The following B4GALNT2 variants were observed in gnomAD, a reference collection of about 807,000 sequenced individuals.
B4GALNT2 encodes the protein beta-1,4-N-acetyl-galactosaminyltransferase 2 (SID blood group).
Under a neutral mutation model 51.1 loss-of-function variants are expected in B4GALNT2, and 42 were observed. The observed-to-expected ratio is 0.82, with a 90% CI of 0.64 to 1.06. The LOEUF is 1.06. Among genes scored for constraint, B4GALNT2 ranks in the 50% least tolerant of loss-of-function variants. B4GALNT2 has a pLI of 0.00. For synonymous variants in B4GALNT2, 253 were observed against 251.7 expected (o/e 1.01, Z -0.05); for missense variants, 602 against 633.6 (o/e 0.95, Z 0.54).
Position 49,171,777 on chromosome 17 carries a change from T to C in B4GALNT2, c.*2049T>C. On this transcript the variant is annotated 3_prime_UTR_variant, in exon 11 of 11. Coordinates refer to ENST00000393354, the MANE Select transcript of B4GALNT2 (RefSeq NM_001159387.2). ...TCCATAGGAATCGTTGTGCAGCACC[T>C]CTACCTGTTCTGCAATGCAATCTTC... 2.4e-6 allele frequency: 1 copy of C among 421,286 alleles called. No individual in the cohort carries two copies. 26.1% of individuals were successfully genotyped at this position (421,286 alleles called of 1,614,324 possible).
Position 49,156,564 on chromosome 17 carries a change from A to G in B4GALNT2, c.461-2A>G, listed in dbSNP as rs775280574. On this transcript the variant is annotated splice_acceptor_variant, in intron 4 of 10. Transcript: ENST00000393354. LOFTEE classifies it high-confidence loss of function. Reference sequence around the variant, plus strand: ...TTCTTTCCTTTTCCCTGTGTCCTCCAGGCCTCCAGTTTGAAGGACCCGATG... The same window carrying G: ...TTCTTTCCTTTTCCCTGTGTCCTCCGGGCCTCCAGTTTGAAGGACCCGATG... The G allele has an allele frequency of 6.2e-7, 1 of 1,613,794 alleles. No homozygotes were observed. The highest frequency in any genetic ancestry group is 1.7e-5 in the Admixed American group (1 of 59,932).
At chr17:49,133,921 CA>C (rs1040554631) in intron 1 of B4GALNT2, among the ~76,000 whole-genome samples, 22 of 150,980 alleles carry the variant, frequency 1.5e-4, no homozygotes, top group African/African-American at 5.4e-4. Flanking sequence ...CAAAAACAAA[CA>C]AACAAACAAA....
the B4GALNT2 span, among the ~76,000 whole-genome samples, chr17:49,121,679 G>A: frequency 1.3e-5 from 2 of 152,178 alleles, no homozygotes; most frequent in Non-Finnish European, 2.9e-5. Context: ...CCACAGCCAG[G>A]GAGAAGAGGA....
rs776109251 is a variant in B4GALNT2 at position 49,174,866 on chromosome 17, T to G, written c.*5138T>G. 1.3e-5 allele frequency: 2 copies of G among 152,128 alleles called. No homozygotes were observed. Among genetic ancestry groups the G allele is most frequent in the African/African-American group, 2.4e-5 (1 of 41,422 alleles). 9.4% of individuals were successfully genotyped at this position (152,128 alleles called of 1,614,324 possible). ...GTGGTTCCTTCAAATCTTGCAAATT[T>G]TTTCCTAGTCCCATACCAGGGACAT... On this transcript the variant is annotated 3_prime_UTR_variant, in exon 11 of 11. Coordinates refer to ENST00000393354, the MANE Select transcript of B4GALNT2 (RefSeq NM_001159387.2).
chr17:49,147,564 T>C (rs2042707108), intron 3 of B4GALNT2, among the ~76,000 whole-genome samples: 2 of 151,706 alleles, frequency 1.3e-5, no homozygotes, highest in Non-Finnish European at 2.9e-5. Flanking sequence ...TTTGTAGATA[T>C]GGGGTTTTGC....
intron 3 of B4GALNT2, among the ~76,000 whole-genome samples, chr17:49,150,213 C>T (rs2042737059): frequency 7.3e-6 from 1 of 137,104 alleles, no homozygotes; most frequent in African/African-American, 2.8e-5. Flanking sequence ...GGTCAGCCCC[C>T]CGCCCGGCCA....
chr17:49,167,902 G>A (rs188541973), intron 9 of B4GALNT2, among the ~76,000 whole-genome samples: 57 of 152,092 alleles, frequency 3.7e-4, no homozygotes, highest in African/African-American at 1.3e-3. Context: ...GAGCCACCAC[G>A]CCCAGCCTAA....
rs1482087528 is a variant in B4GALNT2, at chr17:49,170,104, ACAGT to A, written c.*380_*383del. The A allele has an allele frequency of 5.6e-6, 1 of 178,786 alleles. No individual in the cohort carries two copies. Among genetic ancestry groups the A allele is most frequent in the Non-Finnish European group, 1.2e-5 (1 of 85,534 alleles). 11.1% of individuals were successfully genotyped at this position (178,786 alleles called of 1,614,324 possible). Reference sequence around the variant, plus strand: ...ATAGTTGTTTGGTGGAAATTCTGTCACAGTCAGAAGCATCGGATCCAGCATCACT... The same window carrying A: ...ATAGTTGTTTGGTGGAAATTCTGTCACAGAAGCATCGGATCCAGCATCACT... On this transcript the variant is annotated 3_prime_UTR_variant, in exon 11 of 11. Transcript: ENST00000393354.
chr17:49,171,501 A>G lies in B4GALNT2; in HGVS notation c.*1773A>G, dbSNP rs927529407. Reference sequence around the variant, plus strand: ...CTTTTTTATTCTTTCCCAAATTTTGATCTTATTAACAGACATTAATAGTTT... The same window carrying G: ...CTTTTTTATTCTTTCCCAAATTTTGGTCTTATTAACAGACATTAATAGTTT... On this transcript the variant is annotated 3_prime_UTR_variant, in exon 11 of 11. Coordinates refer to ENST00000393354, the MANE Select transcript of B4GALNT2 (RefSeq NM_001159387.2). The G allele has an allele frequency of 1.5e-5, 6 of 390,636 alleles. No homozygotes were observed. The highest frequency in any genetic ancestry group is 2.9e-5 in the Non-Finnish European group (6 of 204,974). 24.2% of individuals were successfully genotyped at this position (390,636 alleles called of 1,614,324 possible). A position where few individuals can be genotyped will look rare whatever the true frequency, so the allele number is the denominator to read the frequency against.
chr17:49,140,380 A>G (rs779792563), intron 1 of B4GALNT2, among the ~76,000 whole-genome samples: 11 of 152,178 alleles, frequency 7.2e-5, no homozygotes, highest in South Asian at 2.1e-4. Flanking sequence ...GATTACAGGC[A>G]TGAGCCACCA....
chr17:49,126,472 T>C, the B4GALNT2 span, among the ~76,000 whole-genome samples: 2 of 132,116 alleles, frequency 1.5e-5, no homozygotes, highest in African/African-American at 2.9e-5. Context: ...TCCCCCTCTG[T>C]GAGAAACACC....
chr17:49,149,769 T>C (rs1049062001), intron 3 of B4GALNT2, among the ~76,000 whole-genome samples: 1 of 152,228 alleles, frequency 6.6e-6, no homozygotes, highest in African/African-American at 2.4e-5. Flanking sequence ...AGCATCTTAC[T>C]TGCTAGATCC....
chr17:49,152,101 G>T (rs2042763365), intron 3 of B4GALNT2, among the ~76,000 whole-genome samples: 1 of 152,110 alleles, frequency 6.6e-6, no homozygotes, highest in African/African-American at 2.4e-5. Flanking sequence ...TGTTAGCCAG[G>T]CATGGTGGCT....
intron 4 of B4GALNT2, among the ~76,000 whole-genome samples, chr17:49,154,065 A>G (rs986844341): frequency 1.3e-5 from 2 of 150,656 alleles, no homozygotes; most frequent in African/African-American, 4.9e-5. Context: ...GTGCAATGGC[A>G]TGATCTCGGC....
intron 1 of B4GALNT2, among the ~76,000 whole-genome samples, chr17:49,135,663 G>C (rs895492598): frequency 6.6e-6 from 1 of 152,140 alleles, no homozygotes; most frequent in Non-Finnish European, 1.5e-5. Flanking sequence ...AGCCTCTGTG[G>C]TGTGTGCCTA....
intron 3 of B4GALNT2, among the ~76,000 whole-genome samples, chr17:49,151,791 A>C (rs531514430): frequency 3.3e-5 from 5 of 152,188 alleles, no homozygotes; most frequent in African/African-American, 1.2e-4. Flanking sequence ...AACCATAAAA[A>C]TAGTTACTCT....
intron 7 of B4GALNT2, 42 bp from the exon 8 acceptor site, chr17:49,164,046 T>C: frequency 6.4e-7 from 1 of 1,568,768 alleles, no homozygotes; most frequent in Non-Finnish European, 8.7e-7. Context: ...CAGTGAAGCT[T>C]CCTACAGGAC....
intron 3 of B4GALNT2, 71 bp from the exon 4 acceptor site, chr17:49,152,729 G>A: frequency 1.8e-6 from 2 of 1,096,078 alleles, no homozygotes; most frequent in Admixed American, 2.6e-5. Flanking sequence ...CTGTGCACAG[G>A]CACCACTTTG....
At chr17:49,128,445 AAAGGAGTTTTGGAGG>A (rs1357591400), upstream of B4GALNT2, among the ~76,000 whole-genome samples, 1 of 152,148 alleles carries the variant, frequency 6.6e-6, no homozygotes, top group Non-Finnish European at 1.5e-5. Flanking sequence ...TGCAGGGTCA[AAAGGAGTTTTGGAGG>A]AAGGAGTTTT....
Sources: allele counts gnomAD v4.1 joint callset (sites outside exome capture counted in the v4.1 genomes callset), GRCh38; gene constraint gnomAD v4.1.1; transcripts MANE v1.5; gene names NCBI Gene and HGNC (gene_info 2026-07-23, HGNC 2026-07-21).